The following N4BP1 variants were observed in gnomAD, a reference collection of about 807,000 sequenced individuals.
N4BP1 encodes the protein NEDD4-binding protein 1.
Under a neutral mutation model 70.9 loss-of-function variants are expected in N4BP1, and 21 were observed. The ratio of observed to expected loss-of-function variants is 0.30; its 90% CI spans 0.21 to 0.43. The LOEUF (loss-of-function observed/expected upper bound fraction) is 0.43. Ranked by LOEUF, N4BP1 falls within the 20% of genes least tolerant of loss-of-function variation. The probability of loss-of-function intolerance (pLI) is 1.00; values close to 1 mark genes in which losing one functional copy is unlikely to be tolerated. For missense variants in N4BP1, 936 were observed against 1,069.4 expected, an observed-to-expected ratio of 0.88 and a Z score of 1.74; for synonymous variants, 387 against 394.6, an observed-to-expected ratio of 0.98 and a Z score of 0.23.
At chr16:48,548,174 T>C (rs777108973) in intron 4 of N4BP1, 60 bp from the exon 5 acceptor site, 13 of 944,506 alleles carry the variant, frequency 1.4e-5, no homozygotes, top group Non-Finnish European at 2.1e-5. Context: ...AGAGAAGCCA[T>C]GTTATAAGAA....
chr16:48,595,534 A>G (rs1364052545), intron 1 of N4BP1, among the ~76,000 whole-genome samples: 1 of 151,918 alleles, frequency 6.6e-6, no homozygotes, highest in Non-Finnish European at 1.5e-5. Flanking sequence ...AGTAAAGTAC[A>G]TTCTTGTAAA....
intron 3 of N4BP1, among the ~76,000 whole-genome samples, chr16:48,552,448 C>T (rs1441705517): frequency 6.6e-6 from 1 of 151,810 alleles, no homozygotes; most frequent in African/African-American, 2.4e-5. Flanking sequence ...GCCTGTAATC[C>T]CAGCACTTTG....
intron 1 of N4BP1, among the ~76,000 whole-genome samples, chr16:48,584,106 T>C (rs1964209901): frequency 6.6e-6 from 1 of 152,228 alleles, no homozygotes; most frequent in Non-Finnish European, 1.5e-5. Flanking sequence ...GCACCCTCTG[T>C]ATACATGAAT....
intron 1 of N4BP1, among the ~76,000 whole-genome samples, chr16:48,582,226 G>A (rs143417189): frequency 3.0e-4 from 45 of 152,204 alleles, no homozygotes; most frequent in African/African-American, 1.1e-3. Flanking sequence ...GTTACCCTTG[G>A]TCAAGCATGT....
chr16:48,587,687 G>A (rs1456689597), intron 1 of N4BP1, among the ~76,000 whole-genome samples: 1 of 152,168 alleles, frequency 6.6e-6, no homozygotes, highest in African/African-American at 2.4e-5. Context: ...CAAACTGATT[G>A]TGCAACCCAG....
intron 1 of N4BP1, among the ~76,000 whole-genome samples, chr16:48,598,926 G>T (rs1408548145): frequency 6.6e-6 from 1 of 152,020 alleles, no homozygotes; most frequent in East Asian, 1.9e-4. Context: ...AACTGGAATG[G>T]TAATAAACAC....
At chr16:48,606,076 C>T (rs77860956) in intron 1 of N4BP1, among the ~76,000 whole-genome samples, 1,928 of 152,262 alleles carry the variant, frequency 0.013, 36 homozygotes, top group African/African-American at 0.044. Context: ...TAAGAGGCAA[C>T]GTGATTCTTG....
intron 1 of N4BP1, among the ~76,000 whole-genome samples, chr16:48,567,204 G>A (rs1359113435): frequency 6.6e-6 from 1 of 151,906 alleles, no homozygotes; most frequent in South Asian, 2.1e-4. Flanking sequence ...TGTAATTATT[G>A]GCAAATCTGT....
At chr16:48,568,255 T>A (rs2151091557) in intron 1 of N4BP1, among the ~76,000 whole-genome samples, 1 of 152,292 alleles carries the variant, frequency 6.6e-6, no homozygotes, top group South Asian at 2.1e-4. Flanking sequence ...TAAATTCAAA[T>A]CCCGTTGGTA....
chr16:48,572,563 C>A (rs1459995514), intron 1 of N4BP1, among the ~76,000 whole-genome samples: 2 of 152,122 alleles, frequency 1.3e-5, no homozygotes, highest in African/African-American at 4.8e-5. Context: ...CCTATGGATT[C>A]TTTTCTTAGC....
intron 1 of N4BP1, among the ~76,000 whole-genome samples, chr16:48,576,628 A>AT (rs1371778714): frequency 1.3e-5 from 2 of 152,210 alleles, no homozygotes; most frequent in Non-Finnish European, 2.9e-5. Context: ...TAAAAAGTAT[A>AT]TTTGATCAGA....
chr16:48,562,751 T>A (rs1054409670), intron 1 of N4BP1, among the ~76,000 whole-genome samples: 2 of 152,194 alleles, frequency 1.3e-5, no homozygotes, highest in Non-Finnish European at 2.9e-5. Flanking sequence ...GCTGGATTTA[T>A]TTACATCTCT....
At chr16:48,598,045 A>G (rs1964443531) in intron 1 of N4BP1, among the ~76,000 whole-genome samples, 1 of 152,006 alleles carries the variant, frequency 6.6e-6, no homozygotes, top group Non-Finnish European at 1.5e-5. Context: ...GGACTACCCA[A>G]CTCCCTCTAT....
intron 1 of N4BP1, among the ~76,000 whole-genome samples, chr16:48,563,867 C>G (rs1360085698): frequency 2.6e-5 from 4 of 152,196 alleles, no homozygotes; most frequent in Non-Finnish European, 2.9e-5. Context: ...GGGTAATTAG[C>G]ATATCCATTT....
chr16:48,609,334 G>C (rs1186790908), intron 1 of N4BP1, among the ~76,000 whole-genome samples: 2 of 152,182 alleles, frequency 1.3e-5, no homozygotes, highest in Admixed American at 6.5e-5. Context: ...AAAAGGCTCA[G>C]AACTGCAGTA....
chr16:48,598,958 T>C (rs1043753711), intron 1 of N4BP1, among the ~76,000 whole-genome samples: 1 of 152,110 alleles, frequency 6.6e-6, no homozygotes, highest in Non-Finnish European at 1.5e-5. Flanking sequence ...AAAAGTTGTA[T>C]CTCCTTTACT....
rs993811940 is a variant in N4BP1 at position 48,551,382 on chromosome 16, A to G, written c.2117+4T>C. ...ACCTTAGGAAGGAGAATGGCCTTTC[A>G]TACCTGTCATCATGAGAAGCAATTC... On this transcript the variant is annotated splice_donor_region_variant and intron_variant, in intron 4 of 6. Coordinates refer to ENST00000262384, the MANE Select transcript of N4BP1 (RefSeq NM_153029.4). 1.2e-6 allele frequency: 2 copies of G among 1,612,254 alleles called. No homozygotes were observed. Among genetic ancestry groups the G allele is most frequent in the Non-Finnish European group, 1.7e-6 (2 of 1,178,478 alleles).
At chr16:48,592,654 T>C (rs899889189) in intron 1 of N4BP1, among the ~76,000 whole-genome samples, 1 of 152,274 alleles carries the variant, frequency 6.6e-6, no homozygotes, top group Non-Finnish European at 1.5e-5. Context: ...GTTTAGTTCA[T>C]ATAACTTTCG....
chr16:48,539,309 CT>C lies in N4BP1; in HGVS notation c.*3594del, dbSNP rs1963452920. On this transcript the variant is annotated 3_prime_UTR_variant, in exon 7 of 7. Coordinates refer to ENST00000262384, the MANE Select transcript of N4BP1 (RefSeq NM_153029.4). ...GCCAGCCAGTTAGGGCCCACCACCC[CT>C]GGGTGTCTGAGAGTGGGAGTAGCGG... The C allele has an allele frequency of 6.6e-6, 1 of 152,546 alleles. No homozygotes were observed. The highest frequency in any genetic ancestry group is 2.4e-5 in the African/African-American group (1 of 41,418). The allele number at this position is 152,546 out of a possible 1,614,324, so 9.4% of individuals were successfully genotyped here.
Sources: gnomAD v4.1 joint callset for allele counts (sites outside exome capture counted in the v4.1 genomes callset) on GRCh38, gnomAD v4.1.1 for gene constraint, MANE v1.5 for transcripts, NCBI Gene and HGNC (gene_info 2026-07-23, HGNC 2026-07-21) for gene names.